The following LY86 variants were observed in gnomAD, a reference collection of about 807,000 sequenced individuals.
LY86 encodes lymphocyte antigen 86.
Under a neutral mutation model 17.3 loss-of-function variants are expected in LY86, and 20 were observed. The observed-to-expected ratio is 1.15, with a 90% confidence interval of 0.81 to 1.68. The LOEUF (loss-of-function observed/expected upper bound fraction) is 1.68, where lower values mean the gene tolerates loss of function less well. Among genes scored for constraint, LY86 ranks in the 40% most tolerant of loss-of-function variants. LY86 has a pLI of 0.00. For missense variants in LY86, 200 were observed against 191.9 expected (o/e 1.04, Z -0.25); for synonymous variants, 74 against 70.6 (o/e 1.05, Z -0.24).
At chr6:6,593,588 TTGC>T (rs1167348933) in intron 1 of LY86, among the ~76,000 whole-genome samples, 3 of 152,228 alleles carry the variant, frequency 2.0e-5, no homozygotes, top group Non-Finnish European at 2.9e-5. Context: ...CAATGTATCT[TTGC>T]TGCTGATGAT....
At chr6:6,628,403 A>G (rs182866340) in intron 3 of LY86, among the ~76,000 whole-genome samples, 1 of 151,470 alleles carries the variant, frequency 6.6e-6, no homozygotes, top group East Asian at 1.9e-4. Flanking sequence ...ATCAGCCTTA[A>G]GGGATCCTTT....
intron 2 of LY86, among the ~76,000 whole-genome samples, 194 bp downstream of exon 2, chr6:6,625,206 C>A (rs1276419354): frequency 6.6e-6 from 1 of 152,062 alleles, no homozygotes; most frequent in Non-Finnish European, 1.5e-5. Flanking sequence ...AGAACTCTCA[C>A]TTAAAGCTGT....
At chr6:6,614,406 C>G (rs1241075984) in intron 1 of LY86, among the ~76,000 whole-genome samples, 1 of 141,834 alleles carries the variant, frequency 7.1e-6, no homozygotes, top group Non-Finnish European at 1.5e-5. Context: ...TGAGTGTATG[C>G]TTGCATTCCC....
chr6:6,634,030 A>G (rs895870947), intron 3 of LY86, among the ~76,000 whole-genome samples: 5 of 152,154 alleles, frequency 3.3e-5, no homozygotes, highest in Non-Finnish European at 5.9e-5. Context: ...GAGAGGACTT[A>G]ATTATGCCTT....
intron 1 of LY86, among the ~76,000 whole-genome samples, chr6:6,615,974 C>G (rs879347372): frequency 2.2e-4 from 34 of 152,208 alleles, no homozygotes; most frequent in Admixed American, 2.2e-3. Context: ...TTTTCTGCAA[C>G]TGTAATGAGA....
At chr6:6,636,280 C>T (rs955676338) in intron 3 of LY86, among the ~76,000 whole-genome samples, 5 of 152,320 alleles carry the variant, frequency 3.3e-5, no homozygotes, top group Non-Finnish European at 5.9e-5. Flanking sequence ...AACTTAATCT[C>T]TCTGAGCCTC....
At chr6:6,599,614 C>T (rs1307767938) in intron 1 of LY86, among the ~76,000 whole-genome samples, 2 of 152,180 alleles carry the variant, frequency 1.3e-5, no homozygotes, top group Non-Finnish European at 2.9e-5. Context: ...CGACCTATTT[C>T]CCTACAAGCC....
intron 3 of LY86, among the ~76,000 whole-genome samples, chr6:6,626,972 C>T (rs114023291): frequency 0.014 from 2,057 of 152,272 alleles, 35 homozygotes; most frequent in African/African-American, 0.047. Flanking sequence ...AACCCTCTAC[C>T]GCCTGCCATA....
intron 4 of LY86, among the ~76,000 whole-genome samples, chr6:6,649,909 A>G (rs1437394296): frequency 6.6e-6 from 1 of 152,116 alleles, no homozygotes; most frequent in East Asian, 1.9e-4. Context: ...GGCATTTAAT[A>G]TTTTACATGT....
In LY86 at chr6:6,654,532, TGC is replaced by T; in HGVS notation, c.406-11_406-10del. 6.2e-7 allele frequency: 1 copy of T among 1,608,004 alleles called. No homozygotes were observed. The highest frequency in any genetic ancestry group is 8.5e-7 in the Non-Finnish European group (1 of 1,174,378). ...GGTCACACGTCTAATACTTGACCTGTGCCCCTTGCAGGGAGAATACCAGGTTT... is the reference window on the plus strand; with the variant it reads ...GGTCACACGTCTAATACTTGACCTGTCCCTTGCAGGGAGAATACCAGGTTT... On this transcript the variant is annotated splice_polypyrimidine_tract_variant and intron_variant, in intron 4 of 4. Transcript: ENST00000230568.
intron 3 of LY86, 31 bp downstream of exon 3, chr6:6,626,452 G>A (rs1048217548): frequency 6.2e-7 from 1 of 1,610,604 alleles, no homozygotes; most frequent in African/African-American, 1.3e-5. Flanking sequence ...ACTGCTGGCA[G>A]GGGCCTGCAG....
intron 1 of LY86, among the ~76,000 whole-genome samples, chr6:6,603,591 C>CAAAAAAAAAAAAAA (rs779324556): frequency 4.3e-5 from 1 of 23,372 alleles, no homozygotes; most frequent in Non-Finnish European, 1.6e-4. Context: ...AAGCCAAAAA[C>CAAAAAAAAAAAAAA]AAAAACAGAA....
intron 1 of LY86, among the ~76,000 whole-genome samples, chr6:6,612,505 A>T (rs1472502066): frequency 1.4e-5 from 2 of 139,274 alleles, no homozygotes; most frequent in Non-Finnish European, 3.1e-5. Flanking sequence ...AAAAACACTT[A>T]CTGCAAAAAG....
chr6:6,611,647 T>G (rs1444330288), intron 1 of LY86, among the ~76,000 whole-genome samples: 1 of 152,226 alleles, frequency 6.6e-6, no homozygotes, highest in African/African-American at 2.4e-5. Context: ...CACTGGTGCC[T>G]CCCTGTTCTC....
At chr6:6,614,278 G>T (rs184969667) in intron 1 of LY86, among the ~76,000 whole-genome samples, 116 of 152,196 alleles carry the variant, frequency 7.6e-4, no homozygotes, top group Middle Eastern at 3.4e-3. Flanking sequence ...AACACAGACC[G>T]CAAAGGGAGG....
chr6:6,608,129 G>A (rs1469958792), intron 1 of LY86, among the ~76,000 whole-genome samples: 1 of 152,184 alleles, frequency 6.6e-6, no homozygotes. Flanking sequence ...GCCCGTCACT[G>A]CCACTTGTAT....
chr6:6,602,969 AAAC>A (rs760841230), intron 1 of LY86, among the ~76,000 whole-genome samples: 157 of 151,322 alleles, frequency 1.0e-3, no homozygotes, highest in Non-Finnish European at 2.0e-3. Context: ...TGTAACTCAT[AAAC>A]AACAGAAATT....
intron 1 of LY86, among the ~76,000 whole-genome samples, chr6:6,605,563 A>G (rs920755272): frequency 6.6e-6 from 1 of 152,216 alleles, no homozygotes; most frequent in Non-Finnish European, 1.5e-5. Flanking sequence ...CTTCCCACGG[A>G]GTGGGAGAAA....
chr6:6,604,343 TAA>T (rs912766555), intron 1 of LY86, among the ~76,000 whole-genome samples: 1 of 151,690 alleles, frequency 6.6e-6, no homozygotes, highest in African/African-American at 2.4e-5. Flanking sequence ...CTTCTTTAAT[TAA>T]AAAAACTCAA....
Sources: allele counts gnomAD v4.1 joint callset (sites outside exome capture counted in the v4.1 genomes callset), GRCh38; gene constraint gnomAD v4.1.1; transcripts MANE v1.5; gene names NCBI Gene and HGNC (gene_info 2026-07-23, HGNC 2026-07-21).